Variants in FANCI observed in about 807,000 individuals in gnomAD.
The protein encoded by FANCI is Fanconi anemia group I protein.
FANCI carries 156 observed loss-of-function variants against 176.1 expected under a neutral mutation model. The observed-to-expected ratio is 0.89, with a 90% CI of 0.78 to 1.01. FANCI has a LOEUF of 1.01. Ranked by LOEUF, FANCI falls within the 50% of genes least tolerant of loss-of-function variation. The pLI is 0.00. For missense variants in FANCI, 1,678 were observed against 1,534.1 expected, an observed-to-expected ratio of 1.09 and a Z score of -1.57; for synonymous variants, 613 against 541.7, an observed-to-expected ratio of 1.13 and a Z score of -1.83.
chr15:89,278,761 C>T lies in FANCI; in HGVS notation c.1368C>T (p.Ile456=), dbSNP rs757157328. The T allele has an allele frequency of 1.9e-6, 3 of 1,612,916 alleles. No individual in the cohort carries two copies. Among genetic ancestry groups the T allele is most frequent in the Non-Finnish European group, 2.5e-6 (3 of 1,178,952 alleles). ...NRVVTRASSP[I]SHFLDLLSNI... ...TTGTTACCAGAGCATCTTCTCCCATCAGTCATTTCTTAGGTATTCAACTTT... is the reference window on the plus strand; with the variant it reads ...TTGTTACCAGAGCATCTTCTCCCATTAGTCATTTCTTAGGTATTCAACTTT... The change falls in exon 14 of 38, where the codon ATC becomes ATT. Residue 456 remains isoleucine (I), a synonymous_variant. Coordinates refer to ENST00000310775, the MANE Select transcript of FANCI (RefSeq NM_001113378.2).
At chr15:89,314,572 A>G (rs2152015618) in intron 35 of FANCI, 40 bp from the exon 36 acceptor site, 1 of 1,493,966 alleles carries the variant, frequency 6.7e-7, no homozygotes, top group Non-Finnish European at 9.3e-7. Flanking sequence ...TTCAAAAACC[A>G]TTGAACCTGA....
chr15:89,281,853 C>G lies in FANCI; in HGVS notation c.1583+18C>G. On this transcript the variant is annotated intron_variant, in intron 16 of 37. Transcript: ENST00000310775. ...TTTGCCAAGTATGTAGCATCTTTTT[C>G]TATCATAGGAAGACGTTGTCTTCTA... The G allele has an allele frequency of 6.2e-7, 1 of 1,610,752 alleles. No individual in the cohort carries two copies. Among genetic ancestry groups the G allele is most frequent in the Non-Finnish European group, 8.5e-7 (1 of 1,177,308 alleles).
At chr15:89,308,192 A>G (rs1416933747) in intron 34 of FANCI, 1 of 1,027,846 alleles carries the variant, frequency 9.7e-7, no homozygotes, top group Admixed American at 5.0e-5. Flanking sequence ...CACTATTGAC[A>G]TGTTGCGCTA....
intron 24 of FANCI, among the ~76,000 whole-genome samples, chr15:89,295,437 G>A (rs1013445393): frequency 3.8e-4 from 57 of 151,494 alleles, no homozygotes; most frequent in Non-Finnish European, 5.0e-4. Flanking sequence ...AGGCTGAGCC[G>A]GGTGGATTAC....
At position 89,274,189 on chromosome 15, in the gene FANCI, T is replaced by C. The variant is rs774332865; in HGVS notation, c.997T>C (p.Ser333Pro). 1 of 1,581,110 alleles carries C rather than the reference T, an allele frequency of 6.3e-7. No individual in the cohort carries two copies. The highest frequency in any genetic ancestry group is 8.6e-7 in the Non-Finnish European group (1 of 1,162,216). The stretch of plus-strand genomic sequence containing the variant: ...CAAGGTGCTTGATCTTTTAAAGACT[T>C]CGGTTGTAAAGAGCTTTAAGGATCT... ...QDQVLDLLKT[S>P]VVKSFKDLQL... The change falls in exon 12 of 38, where the codon TCG (serine) becomes CCG (proline). Residue 333 changes from serine (S) to proline (P), a missense_variant. Ser to Pro is a moderately conservative substitution (Grantham distance 74). Around this residue, in one of 3 missense-constraint regions of FANCI, gnomAD observed 469 missense variants for 436.9 expected, o/e 1.07. Transcript: ENST00000310775.
At position 89,316,966 on chromosome 15, in the gene FANCI, A is replaced by G. The variant is rs2055288775; in HGVS notation, c.*507A>G. 1 of 707,314 alleles carries G rather than the reference A, an allele frequency of 1.4e-6. No individual in the cohort carries two copies. Among genetic ancestry groups the G allele is most frequent in the Non-Finnish European group, 2.6e-6 (1 of 386,926 alleles). The allele number at this position is 707,314 out of a possible 1,614,324, so 43.8% of individuals were successfully genotyped here. Reference sequence around the variant, plus strand: ...CAATTGCCACGAACGGTAATGTTACATGTTAGGAGGGTCTGTTTTCTTTTT... The same window carrying G: ...CAATTGCCACGAACGGTAATGTTACGTGTTAGGAGGGTCTGTTTTCTTTTT... On this transcript the variant is annotated 3_prime_UTR_variant, in exon 38 of 38. Coordinates refer to ENST00000310775, the MANE Select transcript of FANCI (RefSeq NM_001113378.2).
At chr15:89,305,847 A>G (rs2054697725) in intron 31 of FANCI, 149 bp downstream of exon 31, 2 of 1,095,880 alleles carry the variant, frequency 1.8e-6, no homozygotes, top group Non-Finnish European at 2.7e-6. Flanking sequence ...GAAGTAGAAG[A>G]TCATATGTCT....
chr15:89,297,492 A>G (rs2151804060), intron 24 of FANCI, among the ~76,000 whole-genome samples: 1 of 151,954 alleles, frequency 6.6e-6, no homozygotes, highest in Admixed American at 6.6e-5. Flanking sequence ...AGTGAACGAG[A>G]CTCCGTCTGC....
chr15:89,305,593 C>T lies in FANCI; in HGVS notation c.3256-12C>T, dbSNP rs2054687903. On this transcript the variant is annotated splice_polypyrimidine_tract_variant and intron_variant, in intron 30 of 37. Coordinates refer to ENST00000310775, the MANE Select transcript of FANCI (RefSeq NM_001113378.2). ...TGTGTAGTGAATCACACCAGGCACTCTTTTCTTTCAGTTACTTGTTCTGAG... is the reference window on the plus strand; with the variant it reads ...TGTGTAGTGAATCACACCAGGCACTTTTTTCTTTCAGTTACTTGTTCTGAG... The T allele has an allele frequency of 6.2e-7, 1 of 1,613,786 alleles. No individual in the cohort carries two copies. Among genetic ancestry groups the T allele is most frequent in the Non-Finnish European group, 8.5e-7 (1 of 1,179,814 alleles).
chr15:89,252,434 T>C (rs933750048), intron 2 of FANCI, among the ~76,000 whole-genome samples: 2 of 152,052 alleles, frequency 1.3e-5, no homozygotes, highest in African/African-American at 2.4e-5. Context: ...AAAATTAATA[T>C]GCAAAAATCA....
intron 32 of FANCI, among the ~76,000 whole-genome samples, chr15:89,307,110 C>G (rs1192117492): frequency 1.3e-5 from 2 of 152,302 alleles, no homozygotes; most frequent in Admixed American, 1.3e-4. Context: ...GTGGCTCTCT[C>G]AGAATGTGTA....
intron 27 of FANCI, among the ~76,000 whole-genome samples, chr15:89,302,044 T>G (rs1193583998): frequency 6.6e-6 from 1 of 152,174 alleles, no homozygotes; most frequent in Non-Finnish European, 1.5e-5. Flanking sequence ...GAAGGACCAC[T>G]TGTTGGGGGT....
intron 3 of FANCI, 27 bp downstream of exon 3, chr15:89,258,803 CTG>C: frequency 6.7e-7 from 1 of 1,494,134 alleles, no homozygotes; most frequent in Non-Finnish European, 9.3e-7. Flanking sequence ...TCACTTCTGT[CTG>C]TCTCCTGCAT....
At chr15:89,280,077 A>G (rs1020441750) in intron 14 of FANCI, among the ~76,000 whole-genome samples, 1 of 152,170 alleles carries the variant, frequency 6.6e-6, no homozygotes, top group Non-Finnish European at 1.5e-5. Flanking sequence ...GCTGGAGGGC[A>G]GTGGTGTGAT....
chr15:89,249,825 C>G (rs921237240), intron 2 of FANCI, among the ~76,000 whole-genome samples: 1 of 151,956 alleles, frequency 6.6e-6, no homozygotes, highest in African/African-American at 2.4e-5. Flanking sequence ...CTGAGGATAA[C>G]TAAATAAAGC....
In FANCI at chr15:89,276,839, C is replaced by T. The variant is rs1555445341; in HGVS notation, c.1241C>T (p.Pro414Leu). ...ACCAGCCCAAGTCTTTCTAGAATGC[C>T]AAACCAGCATGCATGTAAGCTCGGA... The part of the protein sequence containing the change: ...IETSPSLSRM[P>L]NQHACKLGAN... Residue 414 changes from proline to leucine, a missense_variant, in exon 13 of 38, where the codon CCA becomes CTA. Physicochemically the swap from Pro to Leu is moderately conservative, Grantham distance 98. Coordinates refer to ENST00000310775, the MANE Select transcript of FANCI (RefSeq NM_001113378.2). 1 of 1,614,130 alleles carries T rather than the reference C, an allele frequency of 6.2e-7. No homozygotes were observed. Among genetic ancestry groups the T allele is most frequent in the South Asian group, 1.1e-5 (1 of 91,080 alleles).
chr15:89,305,688 A>C lies in FANCI; in HGVS notation c.3339A>C (p.Glu1113Asp). ...AGCTTAAGGGACAAGTGAGCCAAGA[A>C]ACCTTATCAGGTAAGATAAGTTCAA... Reference protein sequence around the residue: ...ITKLKGQVSQETLSEEASSQA... With the variant: ...ITKLKGQVSQDTLSEEASSQA... The change falls in exon 31 of 38, where the codon GAA (glutamate) becomes GAC (aspartate). Residue 1113 changes from glutamate to aspartate, a missense_variant. Glu to Asp is a conservative substitution (Grantham distance 45, BLOSUM62 2). Transcript: ENST00000310775. The C allele has an allele frequency of 6.2e-7, 1 of 1,614,188 alleles. No individual in the cohort carries two copies. Among genetic ancestry groups the C allele is most frequent in the Non-Finnish European group, 8.5e-7 (1 of 1,179,998 alleles).
intron 2 of FANCI, among the ~76,000 whole-genome samples, chr15:89,252,313 A>AG (rs1491229716): frequency 1.3e-5 from 2 of 151,734 alleles, no homozygotes; most frequent in Non-Finnish European, 2.9e-5. Flanking sequence ...AAAAAAAAAA[A>AG]GAAAATATAA....
At chr15:89,267,943 A>G (rs745525101) in intron 9 of FANCI, among the ~76,000 whole-genome samples, 8 of 152,100 alleles carry the variant, frequency 5.3e-5, no homozygotes, top group South Asian at 2.1e-4. Context: ...ATAGATGGAT[A>G]GATAGATAGA....
Sources: gnomAD v4.1 joint callset for allele counts (sites outside exome capture counted in the v4.1 genomes callset) on GRCh38, gnomAD v4.1.1 for gene constraint, gnomAD v4.1.1 regional missense constraint, MANE v1.5 for transcripts, NCBI Gene and HGNC (gene_info 2026-07-23, HGNC 2026-07-21) for gene names.